MROH6: variants seen among roughly 807,000 people sequenced by gnomAD.
MROH6 encodes maestro heat like repeat family member 6, also known as maestro heat-like repeat-containing protein family member 6.
A neutral mutation model predicts 67.7 loss-of-function variants in MROH6; 62 were observed. That is an observed-to-expected ratio of 0.92 (90% CI 0.75 to 1.13). MROH6 has a LOEUF of 1.13. MROH6 is among the 50% of genes most tolerant of loss of function. The pLI, the probability that MROH6 is intolerant of heterozygous loss-of-function variation, is 0.00. For synonymous variants in MROH6, 566 were observed against 470.8 expected (o/e 1.20, Z -2.62); for missense variants, 1,175 against 1,029.1 (o/e 1.14, Z -1.94).
chr8:143,568,537 T>C lies in MROH6; in HGVS notation c.1644+15A>G. The C allele has an allele frequency of 6.6e-7, 1 of 1,514,460 alleles. No individual in the cohort carries two copies. The highest frequency in any genetic ancestry group is 8.8e-7 in the Non-Finnish European group (1 of 1,135,326). The allele number at this position is 1,514,460 out of a possible 1,614,324, so 93.8% of individuals were successfully genotyped here. A position where few individuals can be genotyped will look rare whatever the true frequency, so the allele number is the denominator to read the frequency against. On this transcript the variant is annotated intron_variant, in intron 10 of 13. Coordinates refer to ENST00000398882, the MANE Select transcript of MROH6 (RefSeq NM_001100878.2). ...TGGATGGCATAGGGGTGGGATGGTG[T>C]CGGGGGCTGCTGACCTCAGCAGCGT...
In MROH6 at chr8:143,567,343, T is replaced by C; in HGVS notation, c.2056A>G (p.Ile686Val). 3.3e-6 allele frequency: 4 copies of C among 1,219,740 alleles called. No homozygotes were observed. Among genetic ancestry groups the C allele is most frequent in the Non-Finnish European group, 3.1e-6 (3 of 979,724 alleles). The allele number at this position is 1,219,740 out of a possible 1,614,324, so 75.6% of individuals were successfully genotyped here. ...GGGGGCCGGGCGGGGCGCGGGGCGA[T>C]GCGGAGAAGGCGGGGCCCGCGGGGG... is the stretch of plus-strand genomic sequence containing the variant. ...GCPRGPRLLRIAPRPARPPPV... is the reference protein window; with the variant it reads ...GCPRGPRLLRVAPRPARPPPV... Residue 686 changes from isoleucine to valine, a missense_variant, in exon 14 of 14, where the codon ATC (isoleucine) becomes GTC (valine). By Grantham distance (29) the Ile-to-Val change is conservative. Transcript: ENST00000398882.
Position 143,567,288 on chromosome 8 carries a change from C to CGCTG in MROH6, c.2107_2110dup (p.Arg704ProfsTer37), listed in dbSNP as rs1823665632. On this transcript the variant is annotated frameshift_variant, in exon 14 of 14. Coordinates refer to ENST00000398882, the MANE Select transcript of MROH6 (RefSeq NM_001100878.2). LOFTEE classifies it low-confidence loss of function (END_TRUNC). ...GCCCCAGCGGCCCGCGACGCTCCGG[C>CGCTG]GCTGGAAGGGGCTGTCGGCGAAGAC... 8.2e-7 allele frequency: 1 copy of CGCTG among 1,222,256 alleles called. No homozygotes were observed. The highest frequency in any genetic ancestry group is 1.6e-5 in the African/African-American group (1 of 63,816). 75.7% of individuals were successfully genotyped at this position (1,222,256 alleles called of 1,614,324 possible).
chr8:143,571,292 G>A (rs1358616155), intron 3 of MROH6, among the ~76,000 whole-genome samples: 3 of 152,196 alleles, frequency 2.0e-5, no homozygotes, highest in Non-Finnish European at 4.4e-5. Context: ...TTGCCACAGA[G>A]AATAAAACCA....
At position 143,569,536 on chromosome 8, in the gene MROH6, G is replaced by T; in HGVS notation, c.1381C>A (p.Leu461Met). The change falls in exon 9 of 14, where the codon CTG becomes ATG. Residue 461 changes from leucine (L) to methionine (M), a missense_variant. Leu to Met is a conservative substitution (Grantham distance 15, BLOSUM62 2). Coordinates refer to ENST00000398882, the MANE Select transcript of MROH6 (RefSeq NM_001100878.2). ...AGCAGGAGCCTCCTCAGGGCGCCCA[G>T]CGCTGCACCCACGAGCCGCGCGTCG... is the stretch of plus-strand genomic sequence containing the variant. ...EGDARLVGAA[L>M]GALRRLLLRP... is the part of the protein sequence containing the mutation. The T allele has an allele frequency of 6.6e-7, 1 of 1,525,764 alleles. No individual in the cohort carries two copies. Among genetic ancestry groups the T allele is most frequent in the South Asian group, 1.2e-5 (1 of 82,918 alleles). 94.5% of individuals were successfully genotyped at this position (1,525,764 alleles called of 1,614,324 possible).
chr8:143,571,888 A>ACCCCCCCCCCCCCCCCCC, intron 2 of MROH6, 67 bp from the exon 3 acceptor site: 1 of 1,500,034 alleles, frequency 6.7e-7, no homozygotes, highest in Admixed American at 2.2e-5. Flanking sequence ...TCTGGCCTGC[A>ACCCCCCCCCCCCCCCCCC]CCCCACCTCC....
chr8:143,568,600 G>A lies in MROH6; in HGVS notation c.1596C>T (p.Leu532=), dbSNP rs771911863. 3 of 1,546,920 alleles carry A rather than the reference G, an allele frequency of 1.9e-6. No individual in the cohort carries two copies. Among genetic ancestry groups the A allele is most frequent in the Admixed American group, 1.9e-5 (1 of 51,950 alleles). The change falls in exon 10 of 14, where the codon CTC becomes CTT. Residue 532 remains leucine, a synonymous_variant. Transcript: ENST00000398882. ...GPLRKLVLQS[L]VPLLLRLHDP... ...CATGCAGGCGCAGCAGCAGCGGCACGAGACTCTGCAGCACCAGCTTCCGCA... is the reference window on the plus strand; with the variant it reads ...CATGCAGGCGCAGCAGCAGCGGCACAAGACTCTGCAGCACCAGCTTCCGCA...
chr8:143,569,343 GC>G, intron 9 of MROH6, 97 bp downstream of exon 9: 1 of 1,039,326 alleles, frequency 9.6e-7, no homozygotes, highest in South Asian at 2.0e-5. Context: ...CGGGGCCTGG[GC>G]GGGAGAGACG....
chr8:143,567,325 G>T lies in MROH6; in HGVS notation c.2074C>A (p.Arg692=), dbSNP rs1823668464. 1.3e-5 allele frequency: 16 copies of T among 1,219,630 alleles called. No individual in the cohort carries two copies. The highest frequency in any genetic ancestry group is 1.6e-5 in the Non-Finnish European group (16 of 980,144). 75.6% of individuals were successfully genotyped at this position (1,219,630 alleles called of 1,614,324 possible). A position where few individuals can be genotyped will look rare whatever the true frequency, so the allele number is the denominator to read the frequency against. The part of the protein sequence containing the change: ...RLLRIAPRPA[R]PPPVFADSPF... ...CTGTCGGCGAAGACTGGTGGGGGCCGGGCGGGGCGCGGGGCGATGCGGAGA... is the reference window on the plus strand; with the variant it reads ...CTGTCGGCGAAGACTGGTGGGGGCCTGGCGGGGCGCGGGGCGATGCGGAGA... The change falls in exon 14 of 14, where the codon CGG becomes AGG. Residue 692 remains arginine (R), a synonymous_variant. Transcript: ENST00000398882.
chr8:143,571,369 C>T (rs907194305), intron 3 of MROH6, among the ~76,000 whole-genome samples: 3 of 152,190 alleles, frequency 2.0e-5, no homozygotes, highest in East Asian at 3.9e-4. Context: ...CCCCCAGCCT[C>T]ATTCACCCCA....
rs1477966067 is a variant in MROH6 at position 143,570,382 on chromosome 8, TG to T, written c.906-3del. 1.2e-6 allele frequency: 2 copies of T among 1,609,580 alleles called. No individual in the cohort carries two copies. The highest frequency in any genetic ancestry group is 1.7e-6 in the Non-Finnish European group (2 of 1,178,750). On this transcript the variant is annotated splice_polypyrimidine_tract_variant and splice_region_variant and intron_variant, in intron 5 of 13. Transcript: ENST00000398882. The stretch of plus-strand genomic sequence containing the variant: ...GCCTTCAAGGCCTCCACAGCACAGC[TG>T]GTGGTGGGGACAGTGAGCAGGTGGG...
chr8:143,569,679 C>T lies in MROH6; in HGVS notation c.1302+18G>A. The stretch of plus-strand genomic sequence containing the variant: ...CGACCGGGCCAAGCCCCTCTCCACC[C>T]CTCCCCTTCTCTCACACCTTCCTGC... On this transcript the variant is annotated intron_variant, in intron 8 of 13. Coordinates refer to ENST00000398882, the MANE Select transcript of MROH6 (RefSeq NM_001100878.2). 6.2e-7 allele frequency: 1 copy of T among 1,611,030 alleles called. No homozygotes were observed. The highest frequency in any genetic ancestry group is 8.5e-7 in the Non-Finnish European group (1 of 1,178,360).
rs1035471054 is a variant in MROH6, at chr8:143,568,661, C to A, written c.1535G>T (p.Gly512Val). ...GAGCCCCAGCCGGAGCCCGCCCCGGCCCCGGCGCACCAGAGTCCCAAGGAG... is the reference window on the plus strand; with the variant it reads ...GAGCCCCAGCCGGAGCCCGCCCCGGACCCGGCGCACCAGAGTCCCAAGGAG... ...VGLLGTLVRR[G>V]RGGLRLGLRG... Residue 512 changes from glycine (G) to valine (V), a missense_variant, in exon 10 of 14, where the codon GGC becomes GTC. By Grantham distance (109) the Gly-to-Val change is moderately radical. Coordinates refer to ENST00000398882, the MANE Select transcript of MROH6 (RefSeq NM_001100878.2). 7 of 1,530,840 alleles carry A rather than the reference C, an allele frequency of 4.6e-6. No individual in the cohort carries two copies. In the African/African-American group the frequency reaches 6.9e-5, roughly 15 times the overall value. The allele number at this position is 1,530,840 out of a possible 1,614,324, so 94.8% of individuals were successfully genotyped here. A position where few individuals can be genotyped will look rare whatever the true frequency, so the allele number is the denominator to read the frequency against.
rs556789123 is a variant in MROH6 at position 143,568,110 on chromosome 8, C to A, written c.1764+32G>T. 4.5e-5 allele frequency: 70 copies of A among 1,570,802 alleles called. No individual in the cohort carries two copies. Among genetic ancestry groups the A allele is most frequent in the Non-Finnish European group, 6.0e-5 (69 of 1,157,930 alleles). On this transcript the variant is annotated intron_variant, in intron 11 of 13. Transcript: ENST00000398882. ...GGAACAAGTGGGCTGCTGATCATAC[C>A]CCCTTGCGGTCACCTTGCTTCCCCT...
chr8:143,572,235 C>G, intron 1 of MROH6, 50 bp from the exon 2 acceptor site: 1 of 1,598,718 alleles, frequency 6.3e-7, no homozygotes, highest in African/African-American at 1.3e-5. Context: ...TCTCCTAGCT[C>G]TCCTCCTGGT....
At chr8:143,567,968 C>T (rs925446657) in intron 11 of MROH6, 80 bp from the exon 12 acceptor site, 17 of 1,447,686 alleles carry the variant, frequency 1.2e-5, no homozygotes, top group Middle Eastern at 2.3e-4. Context: ...ATCCAGGGGC[C>T]GGGGTTCCAG....
In MROH6 at chr8:143,570,874, T is replaced by C. The variant is rs1823988882; in HGVS notation, c.720+3A>G. On this transcript the variant is annotated splice_donor_region_variant and intron_variant, in intron 4 of 13. Transcript: ENST00000398882. Reference sequence around the variant, plus strand: ...CCCCCTGGTAATGGCTGGAGCCACCTACCGCCAGTGCCTGGGGCTCCGGCC... The same window carrying C: ...CCCCCTGGTAATGGCTGGAGCCACCCACCGCCAGTGCCTGGGGCTCCGGCC... The C allele has an allele frequency of 1.2e-6, 1 of 848,720 alleles. No individual in the cohort carries two copies. Among genetic ancestry groups the C allele is most frequent in the Non-Finnish European group, 1.7e-6 (1 of 604,832 alleles). 52.6% of individuals were successfully genotyped at this position (848,720 alleles called of 1,614,324 possible).
At chr8:143,571,452 C>T (rs911452450) in intron 3 of MROH6, among the ~76,000 whole-genome samples, 1 of 152,158 alleles carries the variant, frequency 6.6e-6, no homozygotes, top group African/African-American at 2.4e-5. Flanking sequence ...AGAGAGGAGC[C>T]CAGCATCAGA....
Position 143,567,274 on chromosome 8 carries a change from CCGCGACGCTCCGG to C in MROH6, c.2112_2124del (p.Arg705AlafsTer110). ...CGGGGTCCGGAGCAGCCCCAGCGGC[CCGCGACGCTCCGG>C]CGCTGGAAGGGGCTGTCGGCGAAGA... On this transcript the variant is annotated frameshift_variant, in exon 14 of 14. Transcript: ENST00000398882. LOFTEE classifies it low-confidence loss of function (END_TRUNC). The C allele has an allele frequency of 8.2e-7, 1 of 1,222,838 alleles. No individual in the cohort carries two copies. The highest frequency in any genetic ancestry group is 4.1e-5 in the South Asian group (1 of 24,324). 75.7% of individuals were successfully genotyped at this position (1,222,838 alleles called of 1,614,324 possible). A position where few individuals can be genotyped will look rare whatever the true frequency, so the allele number is the denominator to read the frequency against.
intron 10 of MROH6, 96 bp downstream of exon 10, chr8:143,568,456 G>T: frequency 6.9e-7 from 1 of 1,450,980 alleles, no homozygotes; most frequent in East Asian, 2.5e-5. Context: ...CCTTGGGATG[G>T]GTGAGTCCCT....
Sources: gnomAD v4.1 joint callset for allele counts (sites outside exome capture counted in the v4.1 genomes callset) on GRCh38, gnomAD v4.1.1 for gene constraint, MANE v1.5 for transcripts, NCBI Gene and HGNC (gene_info 2026-07-23, HGNC 2026-07-21) for gene names.